LIN28B: variants seen among roughly 807,000 people sequenced by gnomAD.
LIN28B encodes the protein protein lin-28 homolog B.
In LIN28B, 5 loss-of-function variants were observed where a neutral mutation model predicts 21.9. The observed-to-expected ratio is 0.23, with a 90% confidence interval of 0.12 to 0.48. The LOEUF (loss-of-function observed/expected upper bound fraction) is 0.48. Ranked by LOEUF, LIN28B falls within the 20% of genes least tolerant of loss-of-function variation. The pLI, the probability that LIN28B is intolerant of heterozygous loss-of-function variation, is 0.98. For missense variants in LIN28B, 245 were observed against 310.5 expected (o/e 0.79, Z 1.58); for synonymous variants, 109 against 111.3 (o/e 0.98, Z 0.13).
chr6:105,029,190 T>G (rs911101241), intron 3 of LIN28B, among the ~76,000 whole-genome samples: 1 of 152,130 alleles, frequency 6.6e-6, no homozygotes, highest in Non-Finnish European at 1.5e-5. Context: ...GACAGCAAGT[T>G]TAGACAATCT....
At chr6:104,990,066 C>T (rs759614004) in intron 2 of LIN28B, among the ~76,000 whole-genome samples, 3 of 151,948 alleles carry the variant, frequency 2.0e-5, no homozygotes, top group Non-Finnish European at 4.4e-5. Context: ...GTGATTTCTT[C>T]TTTGGCTCAT....
intron 2 of LIN28B, among the ~76,000 whole-genome samples, chr6:105,011,211 A>T (rs754840800): frequency 1.3e-5 from 2 of 152,058 alleles, no homozygotes; most frequent in Non-Finnish European, 2.9e-5. Flanking sequence ...ATTTTTTTAG[A>T]TAGAGTCTGA....
chr6:104,959,832 A>G (rs952760600), intron 2 of LIN28B, among the ~76,000 whole-genome samples: 3 of 152,160 alleles, frequency 2.0e-5, no homozygotes, highest in African/African-American at 7.2e-5. Context: ...TTATGATCTC[A>G]TAAATTTGTT....
chr6:105,014,053 T>G (rs1387230306), intron 2 of LIN28B, among the ~76,000 whole-genome samples: 1 of 152,210 alleles, frequency 6.6e-6, no homozygotes, highest in African/African-American at 2.4e-5. Flanking sequence ...TTTATTGATT[T>G]ATGTTCCTAT....
chr6:104,956,933 C>T (rs567938435), upstream of LIN28B: 15 of 452,824 alleles, frequency 3.3e-5, no homozygotes, highest in African/African-American at 2.7e-4. Flanking sequence ...TTGAGTTTTT[C>T]GTGTTCATTC....
At chr6:104,944,619 C>T (rs1175212917) in intron 2 of LIN28B, among the ~76,000 whole-genome samples, 4 of 152,008 alleles carry the variant, frequency 2.6e-5, no homozygotes, top group African/African-American at 7.2e-5. Flanking sequence ...GGACAAACAG[C>T]AGGCTTTTAC....
At chr6:104,983,660 T>G (rs2114256056) in intron 2 of LIN28B, among the ~76,000 whole-genome samples, 1 of 152,320 alleles carries the variant, frequency 6.6e-6, no homozygotes, top group South Asian at 2.1e-4. Context: ...CGCTGCAACC[T>G]CCACCTCCCA....
chr6:104,970,069 G>A (rs1769942999), intron 2 of LIN28B, among the ~76,000 whole-genome samples: 1 of 152,158 alleles, frequency 6.6e-6, no homozygotes, highest in South Asian at 2.1e-4. Context: ...GTGTGTATCT[G>A]TATAAGGAAT....
intron 2 of LIN28B, among the ~76,000 whole-genome samples, chr6:104,985,222 ATTTAT>A (rs1310105723): frequency 6.6e-6 from 1 of 152,362 alleles, no homozygotes; most frequent in East Asian, 1.9e-4. Context: ...AAGCATACAC[ATTTAT>A]TTAATATGAG....
At position 105,047,560 on chromosome 6, in the gene LIN28B, C is replaced by T. The variant is rs376666066; in HGVS notation, c.383+21078C>T. On this transcript the variant is annotated intron_variant, in intron 3 of 3. Coordinates refer to ENST00000345080, the MANE Select transcript of LIN28B (RefSeq NM_001004317.4). The stretch of plus-strand genomic sequence containing the variant: ...TTTTTTCCAATTCTGTGAAGAAAGT[C>T]ATTCGTAGCTTGATGGGGATGGCAT... 5.3e-5 allele frequency among the ~76,000 whole-genome samples: 8 copies of T among 152,246 alleles called. No individual in the cohort carries two copies. In the South Asian group the frequency reaches 8.3e-4, roughly 16 times the overall value.
intron 2 of LIN28B, among the ~76,000 whole-genome samples, chr6:105,006,548 T>A (rs1242091024): frequency 2.0e-5 from 3 of 152,128 alleles, no homozygotes; most frequent in Non-Finnish European, 4.4e-5. Flanking sequence ...CTGACCTCAG[T>A]TGATCCACCC....
At chr6:104,982,229 G>A (rs1582877352) in intron 2 of LIN28B, among the ~76,000 whole-genome samples, 1 of 151,552 alleles carries the variant, frequency 6.6e-6, no homozygotes, top group Admixed American at 6.6e-5. Context: ...CAGGAGAATC[G>A]CTTGAACCAG....
chr6:105,013,467 G>A lies in LIN28B; in HGVS notation c.199-12831G>A, dbSNP rs112934820. 6.9e-3 allele frequency among the ~76,000 whole-genome samples: 1,056 copies of A among 152,036 alleles called. 10 individuals carry two copies. Among genetic ancestry groups the A allele is most frequent in the African/African-American group, 0.024 (977 of 41,468 alleles). On this transcript the variant is annotated intron_variant, in intron 2 of 3. Transcript: ENST00000345080. ...TCAAGTTACGTTCTGGCCAAGTGCA[G>A]TGGCTCATACCTATAATCCCAGCAC... is the stretch of plus-strand genomic sequence containing the variant.
At position 104,969,773 on chromosome 6, in the gene LIN28B, CTAAAG is replaced by C. The variant is rs1301613790; in HGVS notation, c.198+11490_198+11494del. ...ATTTGAATGAGAGCTATAAAAAGCC[CTAAAG>C]TATTTTATTTTGATGTGCTTAATTT... On this transcript the variant is annotated intron_variant, in intron 2 of 3. Transcript: ENST00000345080. Among the ~76,000 whole-genome samples the C allele has an allele frequency of 5.9e-5, 9 of 152,212 alleles. No homozygotes were observed. The East Asian group carries it at 1.5e-3, about 26-fold the overall frequency.
chr6:104,953,776 G>A (rs1177973114), upstream of LIN28B, among the ~76,000 whole-genome samples: 1 of 152,210 alleles, frequency 6.6e-6, no homozygotes, highest in Non-Finnish European at 1.5e-5. Flanking sequence ...GCAGCGCTGG[G>A]CTACAGACCC....
At chr6:105,029,757 C>G (rs1275439319) in intron 3 of LIN28B, among the ~76,000 whole-genome samples, 1 of 152,164 alleles carries the variant, frequency 6.6e-6, no homozygotes, top group Non-Finnish European at 1.5e-5. Context: ...TTCATGGCTA[C>G]AGCTGTAAAA....
intron 3 of LIN28B, among the ~76,000 whole-genome samples, chr6:105,030,596 T>C (rs553603792): frequency 7.6e-4 from 109 of 143,714 alleles, no homozygotes; most frequent in Non-Finnish European, 1.3e-3. Context: ...TTCTTTCTTT[T>C]TTTTTTTTTT....
At chr6:104,970,940 G>T (rs1294377584) in intron 2 of LIN28B, among the ~76,000 whole-genome samples, 1 of 152,106 alleles carries the variant, frequency 6.6e-6, no homozygotes, top group African/African-American at 2.4e-5. Context: ...ATGAGGATAA[G>T]TGTTTGATGC....
chr6:104,957,950 G>T, intron 1 of LIN28B, 149 bp from the exon 2 acceptor site: 3 of 472,258 alleles, frequency 6.4e-6, no homozygotes, highest in Admixed American at 3.5e-5. Flanking sequence ...AGTATTTTCT[G>T]TGGAGAAAAG....
Sources: allele counts gnomAD v4.1 joint callset (sites outside exome capture counted in the v4.1 genomes callset), GRCh38; gene constraint gnomAD v4.1.1; transcripts MANE v1.5; gene names NCBI Gene and HGNC (gene_info 2026-07-23, HGNC 2026-07-21).